PDE1C: variants seen among roughly 807,000 people sequenced by gnomAD.
The protein encoded by PDE1C is dual specificity calcium/calmodulin-dependent 3',5'-cyclic nucleotide phosphodiesterase 1C.
Under a neutral mutation model 93.1 loss-of-function variants are expected in PDE1C, and 62 were observed. The observed-to-expected ratio is 0.67, with a 90% CI of 0.54 to 0.82. The LOEUF is 0.82. Among genes scored for constraint, PDE1C ranks in the 40% least tolerant of loss-of-function variants. The pLI, the probability that PDE1C is intolerant of heterozygous loss-of-function variation, is 0.00. For missense variants in PDE1C, 742 were observed against 884.6 expected, an observed-to-expected ratio of 0.84 and a Z score of 2.04; for synonymous variants, 325 against 310.1, an observed-to-expected ratio of 1.05 and a Z score of -0.50.
chr7:32,283,342 T>G (rs2128893472), intron 1 of PDE1C, among the ~76,000 whole-genome samples: 2 of 152,184 alleles, frequency 1.3e-5, no homozygotes, highest in Middle Eastern at 6.8e-3. Context: ...AAAAACAACT[T>G]TTTTTTTGTT....
intron 3 of PDE1C, among the ~76,000 whole-genome samples, chr7:32,110,342 C>T (rs1042516884): frequency 9.2e-5 from 14 of 152,140 alleles, no homozygotes; most frequent in Non-Finnish European, 1.9e-4. Flanking sequence ...GTTTTTAAAA[C>T]CATCAGATCT....
chr7:32,341,176 T>TTTTTATTTTTTTTTTTA (rs1313902535), intron 1 of PDE1C, among the ~76,000 whole-genome samples: 14 of 107,976 alleles, frequency 1.3e-4, no homozygotes, highest in Middle Eastern at 4.7e-3. Flanking sequence ...ATAAAGTCTT[T>TTTTTATTTTTTTTTTTA]TTTTTTTTTT....
rs533197601 is a variant in PDE1C at position 32,170,120 on chromosome 7, T to C, written c.137-164A>G. Among the ~76,000 whole-genome samples, 4 of 152,292 alleles carry C rather than the reference T, an allele frequency of 2.6e-5. No homozygotes were observed. The South Asian group carries it at 8.3e-4, about 32-fold the overall frequency. On this transcript the variant is annotated intron_variant, in intron 2 of 18. Transcript: ENST00000396193. ...TTGTAACCAGGAATTTTTACATTTA[T>C]ATGCAGAAAATAGGCTACCACTCTG... is the stretch of plus-strand genomic sequence containing the variant.
intron 3 of PDE1C, among the ~76,000 whole-genome samples, chr7:32,078,274 C>T (rs1796466899): frequency 6.6e-6 from 1 of 152,190 alleles, no homozygotes; most frequent in Non-Finnish European, 1.5e-5. Flanking sequence ...AAGTTGGCAG[C>T]AGAGCTTGGA....
the PDE1C span, chr7:31,692,369 G>A: frequency 2.4e-5 from 29 of 1,224,458 alleles, no homozygotes; most frequent in African/African-American, 4.2e-4. Context: ...TGAATAAACA[G>A]AGCCATACTT....
the PDE1C span, among the ~76,000 whole-genome samples, chr7:31,671,668 C>T: frequency 2.6e-5 from 4 of 152,134 alleles, no homozygotes; most frequent in African/African-American, 9.7e-5. Flanking sequence ...CTGTCTCAGG[C>T]CCTCTCCACC....
At chr7:31,619,012 TGA>T in the PDE1C span, among the ~76,000 whole-genome samples, 11 of 152,338 alleles carry the variant, frequency 7.2e-5, no homozygotes, top group Admixed American at 2.0e-4. Context: ...ACATTGTGTC[TGA>T]GAGAGGAAAT....
At chr7:31,617,096 C>T in the PDE1C span, among the ~76,000 whole-genome samples, 1 of 152,170 alleles carries the variant, frequency 6.6e-6, no homozygotes, top group Admixed American at 6.5e-5. Context: ...GGTTGCACTT[C>T]AGTGGTGGGT....
At chr7:31,972,245 G>A (rs1811062048) in intron 2 of PDE1C, among the ~76,000 whole-genome samples, 1 of 152,150 alleles carries the variant, frequency 6.6e-6, no homozygotes, top group Non-Finnish European at 1.5e-5. Flanking sequence ...GTTTGCAATT[G>A]CTGAGAAATA....
At chr7:31,670,622 A>C in the PDE1C span, among the ~76,000 whole-genome samples, 3,288 of 152,292 alleles carry the variant, frequency 0.022, 45 homozygotes, top group Middle Eastern at 0.058. Flanking sequence ...CTTTAAGCTC[A>C]AGTCCTGTCT....
chr7:32,076,935 GA>G (rs1430229789), intron 3 of PDE1C, among the ~76,000 whole-genome samples: 2 of 144,876 alleles, frequency 1.4e-5, no homozygotes, highest in Non-Finnish European at 3.0e-5. Flanking sequence ...ATGTTGTAAG[GA>G]GAAAAAAAAA....
intron 2 of PDE1C, among the ~76,000 whole-genome samples, chr7:31,957,973 T>C (rs1808382522): frequency 6.6e-6 from 1 of 152,242 alleles, no homozygotes; most frequent in African/African-American, 2.4e-5. Context: ...ACATATGGAA[T>C]GTTGAATGTA....
intron 2 of PDE1C, among the ~76,000 whole-genome samples, chr7:32,175,815 T>A (rs1802949127): frequency 6.6e-6 from 1 of 152,252 alleles, no homozygotes; most frequent in African/African-American, 2.4e-5. Context: ...GGAACTACTT[T>A]ACAATACTGT....
At chr7:32,362,286 G>A (rs149790642) in intron 1 of PDE1C, among the ~76,000 whole-genome samples, 2 of 152,030 alleles carry the variant, frequency 1.3e-5, no homozygotes, top group African/African-American at 4.8e-5. Flanking sequence ...AGAGACATGG[G>A]GGGAGAATCT....
chr7:32,122,364 G>T (rs938284737), intron 3 of PDE1C, among the ~76,000 whole-genome samples: 1 of 152,102 alleles, frequency 6.6e-6, no homozygotes, highest in African/African-American at 2.4e-5. Context: ...TGGATCAAGT[G>T]GACCTAATTG....
chr7:32,349,660 C>T lies in PDE1C; in HGVS notation c.310+78162G>A, dbSNP rs766800491. On this transcript the variant is annotated intron_variant, in intron 1 of 1. Coordinates refer to the PDE1C transcript ENST00000672256. ...TTTTTTTTTTTGAGAAGGAGTCTCA[C>T]TCTGTTGCCCAGGCTGGAGTGTGCA... Among the ~76,000 whole-genome samples, 111 of 151,916 alleles carry T rather than the reference C, an allele frequency of 7.3e-4. 1 individual carries two copies. The highest frequency in any genetic ancestry group is 1.8e-4 in the Non-Finnish European group (12 of 67,994).
At chr7:31,911,334 T>C (rs1268818189) in intron 2 of PDE1C, among the ~76,000 whole-genome samples, 9 of 152,272 alleles carry the variant, frequency 5.9e-5, no homozygotes, top group Admixed American at 3.9e-4. Context: ...GAGAGGCCTA[T>C]ATGATATTTG....
the PDE1C span, among the ~76,000 whole-genome samples, chr7:31,745,978 T>A: frequency 6.6e-6 from 1 of 152,146 alleles, no homozygotes; most frequent in African/African-American, 2.4e-5. Context: ...CCCAGATCTC[T>A]CTGTAAAATG....
chr7:31,705,986 ATTTTTTTTTTTTTTTTT>A, the PDE1C span, among the ~76,000 whole-genome samples: 77 of 52,512 alleles, frequency 1.5e-3, 2 homozygotes, highest in Middle Eastern at 0.027. Flanking sequence ...CAGACCAGTA[ATTTTTTTTTTTTTTTTT>A]TTTTTTTTTT....
Sources: gnomAD v4.1 joint callset for allele counts (sites outside exome capture counted in the v4.1 genomes callset) on GRCh38, gnomAD v4.1.1 for gene constraint, MANE v1.5 for transcripts, NCBI Gene and HGNC (gene_info 2026-07-23, HGNC 2026-07-21) for gene names.